VIPAS39: variants seen among roughly 807,000 people sequenced by gnomAD.
VIPAS39 encodes VPS33B interacting protein, apical-basolateral polarity regulator, spe-39 homolog.
A neutral mutation model predicts 84.7 loss-of-function variants in VIPAS39; 63 were observed. The observed-to-expected ratio is 0.74, with a 90% confidence interval of 0.61 to 0.92. The LOEUF (loss-of-function observed/expected upper bound fraction) is 0.92. VIPAS39 is among the 40% of genes least tolerant of loss of function. VIPAS39 has a pLI of 0.00. For synonymous variants in VIPAS39, 192 were observed against 216.5 expected (o/e 0.89, Z 0.99); for missense variants, 499 against 604.5 (o/e 0.83, Z 1.83).
chr14:77,435,721 A>G, intron 13 of VIPAS39, 123 bp downstream of exon 13: 1 of 1,154,828 alleles, frequency 8.7e-7, no homozygotes, highest in Non-Finnish European at 1.3e-6. Context: ...TACAGGCAGA[A>G]AATGAAAGGC....
chr14:77,453,249 G>C (rs761436127), intron 3 of VIPAS39, 50 bp downstream of exon 3: 5 of 1,555,998 alleles, frequency 3.2e-6, no homozygotes, highest in Non-Finnish European at 4.4e-6. Flanking sequence ...GCCTTTATCA[G>C]TGATAAGAAT....
chr14:77,439,616 C>T (rs575626637), intron 11 of VIPAS39, among the ~76,000 whole-genome samples: 1 of 152,126 alleles, frequency 6.6e-6, no homozygotes, highest in South Asian at 2.1e-4. Context: ...GTGAGACCCC[C>T]GTCTCTACAA....
intron 6 of VIPAS39, 132 bp downstream of exon 6, chr14:77,449,161 C>A: frequency 9.7e-7 from 1 of 1,028,924 alleles, no homozygotes; most frequent in Non-Finnish European, 1.5e-6. Flanking sequence ...TGTTTAGAAA[C>A]CCAGTTTTCT....
chr14:77,428,942 A>G, intron 18 of VIPAS39, 64 bp downstream of exon 18: 1 of 1,435,988 alleles, frequency 7.0e-7, no homozygotes, highest in Non-Finnish European at 9.8e-7. Flanking sequence ...AGAGAATATT[A>G]TAATCCCCAC....
At chr14:77,443,423 T>C (rs17824160) in intron 8 of VIPAS39, among the ~76,000 whole-genome samples, 9 of 152,292 alleles carry the variant, frequency 5.9e-5, no homozygotes, top group African/African-American at 2.2e-4. Flanking sequence ...TAACACATAG[T>C]AGCCAACCTT....
chr14:77,437,537 A>C (rs2078632494), intron 12 of VIPAS39, among the ~76,000 whole-genome samples: 1 of 152,208 alleles, frequency 6.6e-6, no homozygotes, highest in Non-Finnish European at 1.5e-5. Context: ...TCCTACAATA[A>C]AAGATAACCT....
At chr14:77,457,240 A>C in intron 1 of VIPAS39, 5 of 1,532,262 alleles carry the variant, frequency 3.3e-6, no homozygotes, top group Non-Finnish European at 3.5e-6. Flanking sequence ...CAGTCGTCAG[A>C]GCCCAGCGGA....
intron 7 of VIPAS39, among the ~76,000 whole-genome samples, chr14:77,445,994 T>C (rs1286746183): frequency 1.3e-5 from 2 of 151,690 alleles, no homozygotes; most frequent in African/African-American, 4.8e-5. Flanking sequence ...CTTTATAATA[T>C]ACGTGTTTTG....
In VIPAS39 at chr14:77,443,222, C is replaced by T. The variant is rs190930245; in HGVS notation, c.598-70G>A. The T allele has an allele frequency of 2.8e-4, 446 of 1,583,812 alleles. 1 individual carries two copies. The highest frequency in any genetic ancestry group is 3.3e-4 in the Non-Finnish European group (376 of 1,153,224). On this transcript the variant is annotated intron_variant, in intron 8 of 19. Transcript: ENST00000557658. ...AGTCATGCCCTGAGCACTACAGACA[C>T]GGGGCCAGCAACTCATTAGCAATCT...
chr14:77,433,716 C>T, intron 16 of VIPAS39, 126 bp downstream of exon 16: 1 of 826,502 alleles, frequency 1.2e-6, no homozygotes, highest in Non-Finnish European at 1.9e-6. Context: ...TTCAACTTTT[C>T]TTTAGGTTTG....
chr14:77,446,228 C>T (rs1201807584), intron 7 of VIPAS39, among the ~76,000 whole-genome samples: 1 of 152,104 alleles, frequency 6.6e-6, no homozygotes. Flanking sequence ...AATTAATTTA[C>T]ATTTAGGTCT....
At chr14:77,444,845 G>A (rs1404548227) in intron 7 of VIPAS39, among the ~76,000 whole-genome samples, 1 of 151,968 alleles carries the variant, frequency 6.6e-6, no homozygotes, top group Non-Finnish European at 1.5e-5. Flanking sequence ...GCCTCCCAAA[G>A]TGCTGGGATT....
intron 7 of VIPAS39, 98 bp from the exon 8 acceptor site, chr14:77,444,439 C>A: frequency 9.1e-7 from 1 of 1,094,198 alleles, no homozygotes; most frequent in Non-Finnish European, 1.3e-6. Flanking sequence ...AACAAAATGT[C>A]CCCAAGGAGA....
At chr14:77,449,191 A>C in intron 6 of VIPAS39, 102 bp downstream of exon 6, 1 of 1,343,798 alleles carries the variant, frequency 7.4e-7, no homozygotes, top group African/African-American at 1.4e-5. Context: ...AACAGGGTTA[A>C]AAAAATATCT....
Position 77,442,650 on chromosome 14 carries a change from C to T in VIPAS39, c.644G>A (p.Arg215Gln), listed in dbSNP as rs748418108. 25 of 1,614,016 alleles carry T rather than the reference C, an allele frequency of 1.5e-5. No individual in the cohort carries two copies. Among genetic ancestry groups the T allele is most frequent in the South Asian group, 1.2e-4 (11 of 91,088 alleles). Residue 215 changes from arginine (R) to glutamine (Q), a missense_variant, in exon 10 of 20, where the codon CGA becomes CAA. Transcript: ENST00000557658. Reference sequence around the variant, plus strand: ...GGCAACCTGTCGCACCTCCAGCTCTCGGAAGAGGATCTCTGTCAGACAGTC... The same window carrying T: ...GGCAACCTGTCGCACCTCCAGCTCTTGGAAGAGGATCTCTGTCAGACAGTC... ...KRTLSKEILFRELEVRQVALR... is the reference protein window; with the variant it reads ...KRTLSKEILFQELEVRQVALR...
chr14:77,427,778 G>T, intron 19 of VIPAS39, 142 bp from the exon 20 acceptor site: 2 of 1,080,586 alleles, frequency 1.9e-6, no homozygotes, highest in Non-Finnish European at 2.8e-6. Context: ...GGTGGGGGAT[G>T]TTGAGAAATT....
intron 7 of VIPAS39, among the ~76,000 whole-genome samples, chr14:77,445,516 G>A (rs1490625326): frequency 6.6e-6 from 1 of 151,988 alleles, no homozygotes; most frequent in Non-Finnish European, 1.5e-5. Context: ...TCGACTTCCT[G>A]GGCTCAAGCA....
intron 2 of VIPAS39, 83 bp from the exon 3 acceptor site, chr14:77,453,484 T>G (rs2078915766): frequency 2.2e-6 from 3 of 1,370,184 alleles, no homozygotes; most frequent in Non-Finnish European, 3.1e-6. Context: ...GCTGAGGAAT[T>G]GGGGCCTGAA....
chr14:77,433,483 G>T (rs989130058), intron 16 of VIPAS39, among the ~76,000 whole-genome samples: 11 of 152,286 alleles, frequency 7.2e-5, no homozygotes, highest in African/African-American at 2.6e-4. Flanking sequence ...TTATAGGCGT[G>T]AGCCACCGCG....
Sources: allele counts gnomAD v4.1 joint callset (sites outside exome capture counted in the v4.1 genomes callset), GRCh38; gene constraint gnomAD v4.1.1; transcripts MANE v1.5; gene names NCBI Gene and HGNC (gene_info 2026-07-23, HGNC 2026-07-21).